RPA2: variants seen among roughly 807,000 people sequenced by gnomAD.
The protein encoded by RPA2 is replication protein A 32 kDa subunit.
A neutral mutation model predicts 33.4 loss-of-function variants in RPA2; 22 were observed. That is an observed-to-expected ratio of 0.66 (90% CI 0.47 to 0.94). The LOEUF is 0.94. Among genes scored for constraint, RPA2 ranks in the 40% least tolerant of loss-of-function variants. RPA2 has a pLI of 0.00. For missense variants in RPA2, 279 were observed against 329.9 expected (o/e 0.85, Z 1.19); for synonymous variants, 109 against 114.9 (o/e 0.95, Z 0.33).
chr1:27,912,392 A>C (rs544679537), intron 2 of RPA2, among the ~76,000 whole-genome samples: 55 of 152,012 alleles, frequency 3.6e-4, no homozygotes, highest in African/African-American at 6.0e-4. Context: ...AAAAAAAAAA[A>C]ACACAAAAAT....
chr1:27,899,524 A>T (rs28904883), intron 4 of RPA2, among the ~76,000 whole-genome samples: 3,969 of 150,778 alleles, frequency 0.026, 207 homozygotes, highest in African/African-American at 0.092. Flanking sequence ...AAAAAAAAAA[A>T]AAAAAAACCA....
At chr1:27,902,053 A>G (rs1249094251) in intron 4 of RPA2, among the ~76,000 whole-genome samples, 1 of 152,098 alleles carries the variant, frequency 6.6e-6, no homozygotes, top group Non-Finnish European at 1.5e-5. Flanking sequence ...AAAACCAAAG[A>G]AATACACATA....
chr1:27,914,591 C>T, upstream of RPA2: 3 of 1,613,604 alleles, frequency 1.9e-6, no homozygotes, highest in Non-Finnish European at 1.7e-6. Flanking sequence ...AGCCAGTCAG[C>T]TCCCGGGGTG....
intron 2 of RPA2, among the ~76,000 whole-genome samples, chr1:27,911,109 G>A (rs376022670): frequency 1.3e-5 from 2 of 152,100 alleles, no homozygotes; most frequent in Non-Finnish European, 2.9e-5. Context: ...ACAGCTACTC[G>A]GGAGGCTGAG....
intron 2 of RPA2, among the ~76,000 whole-genome samples, chr1:27,912,476 A>T (rs149836189): frequency 3.3e-5 from 5 of 152,128 alleles, no homozygotes; most frequent in Non-Finnish European, 7.4e-5. Context: ...CACTTGAGGC[A>T]TGGAGGTCCA....
At chr1:27,914,702 G>C (rs974102479), upstream of RPA2, 6 of 1,608,066 alleles carry the variant, frequency 3.7e-6, no homozygotes, top group Non-Finnish European at 5.1e-6. Flanking sequence ...GGCTCCAAAA[G>C]CCTCCGCGGC....
At chr1:27,907,697 T>C (rs1209231033) in intron 2 of RPA2, among the ~76,000 whole-genome samples, 3 of 152,160 alleles carry the variant, frequency 2.0e-5, no homozygotes. Context: ...GTTTGAGAAA[T>C]GACTAATGGA....
chr1:27,909,112 C>T (rs2090066781), intron 2 of RPA2, among the ~76,000 whole-genome samples: 3 of 152,150 alleles, frequency 2.0e-5, no homozygotes, highest in Admixed American at 2.0e-4. Context: ...TACTCCCAGT[C>T]TCCTAGAGGG....
intron 4 of RPA2, among the ~76,000 whole-genome samples, chr1:27,900,216 A>G (rs997553193): frequency 2.0e-5 from 3 of 152,004 alleles, no homozygotes; most frequent in Non-Finnish European, 4.4e-5. Context: ...GGTTCAAGTG[A>G]TTCTCCTGCC....
At chr1:27,907,143 T>G (rs1250127268) in intron 3 of RPA2, 38 bp downstream of exon 3, 2 of 1,592,258 alleles carry the variant, frequency 1.3e-6, no homozygotes, top group Non-Finnish European at 1.7e-6. Flanking sequence ...CATTCTTTAT[T>G]ATGAGTAAGT....
chr1:27,912,479 G>A (rs546999788), intron 2 of RPA2, among the ~76,000 whole-genome samples: 1 of 152,006 alleles, frequency 6.6e-6, no homozygotes. Context: ...TTGAGGCATG[G>A]AGGTCCAAGC....
At chr1:27,896,050 T>G (rs564652630) in intron 6 of RPA2, among the ~76,000 whole-genome samples, 24 of 150,090 alleles carry the variant, frequency 1.6e-4, no homozygotes, top group African/African-American at 4.3e-4. Context: ...AGAGCACCTA[T>G]ATAACTACCT....
intron 4 of RPA2, among the ~76,000 whole-genome samples, chr1:27,906,404 A>G (rs1571618497): frequency 1.3e-5 from 2 of 151,648 alleles, no homozygotes; most frequent in African/African-American, 4.8e-5. Context: ...ACAAAAAAGC[A>G]GGGGCTGGGT....
At chr1:27,914,342 C>G in intron 1 of RPA2, 92 bp downstream of exon 1, 2 of 1,613,894 alleles carry the variant, frequency 1.2e-6, no homozygotes, top group Non-Finnish European at 1.7e-6. Flanking sequence ...CTTCCTCTCC[C>G]GCTACCACAC....
chr1:27,911,859 G>A (rs1482363504), intron 2 of RPA2, among the ~76,000 whole-genome samples: 3 of 152,104 alleles, frequency 2.0e-5, no homozygotes, highest in Non-Finnish European at 4.4e-5. Context: ...TTGGGAGGCC[G>A]AGGCGGGCAG....
chr1:27,914,027 A>C (rs1557477436), intron 2 of RPA2, 36 bp downstream of exon 2: 2 of 1,526,208 alleles, frequency 1.3e-6, no homozygotes, highest in Non-Finnish European at 1.8e-6. Context: ...ACTTCAGGAC[A>C]GGATAAAACA....
chr1:27,909,961 T>C (rs971106537), intron 2 of RPA2, among the ~76,000 whole-genome samples: 6 of 152,222 alleles, frequency 3.9e-5, no homozygotes, highest in African/African-American at 1.4e-4. Context: ...TCAATTTTAC[T>C]TTATGGTATT....
At chr1:27,896,428 A>G (rs1299172232) in intron 6 of RPA2, among the ~76,000 whole-genome samples, 1 of 151,864 alleles carries the variant, frequency 6.6e-6, no homozygotes, top group African/African-American at 2.4e-5. Context: ...CAGCCTCCCA[A>G]AGTGCTGAGA....
intron 6 of RPA2, among the ~76,000 whole-genome samples, chr1:27,896,666 C>T (rs2089895534): frequency 6.6e-6 from 1 of 152,086 alleles, no homozygotes; most frequent in Non-Finnish European, 1.5e-5. Context: ...AAATGCTGTC[C>T]TGAAGGGGAC....
Sources: gnomAD v4.1 joint callset for allele counts (sites outside exome capture counted in the v4.1 genomes callset) on GRCh38, gnomAD v4.1.1 for gene constraint, MANE v1.5 for transcripts, NCBI Gene and HGNC (gene_info 2026-07-23, HGNC 2026-07-21) for gene names.